Variants in SEMA6D observed in about 807,000 individuals in gnomAD.
The protein encoded by SEMA6D is semaphorin-6D.
Under a neutral mutation model 106.6 loss-of-function variants are expected in SEMA6D, and 35 were observed. The observed-to-expected ratio is 0.33, with a 90% CI of 0.25 to 0.44. The LOEUF is 0.44. SEMA6D is among the 20% of genes least tolerant of loss of function. The pLI is 1.00. For missense variants in SEMA6D, 1,185 were observed against 1,345.9 expected (o/e 0.88, Z 1.87); for synonymous variants, 499 against 487.7 (o/e 1.02, Z -0.31).
At chr15:47,477,032 G>T (rs2043021957) in intron 3 of SEMA6D, among the ~76,000 whole-genome samples, 2 of 152,064 alleles carry the variant, frequency 1.3e-5, no homozygotes, top group Admixed American at 1.3e-4. Flanking sequence ...TTCATAATGT[G>T]GAATATATTT....
intron 1 of SEMA6D, among the ~76,000 whole-genome samples, chr15:47,184,975 C>T (rs1396523889): frequency 6.6e-6 from 1 of 151,998 alleles, no homozygotes; most frequent in African/African-American, 2.4e-5. Flanking sequence ...AACGACCTAC[C>T]TTCTTGCTTT....
rs77301112 is a variant in SEMA6D at position 47,741,577 on chromosome 15, G to A, written c.-54-18168G>A. Reference sequence around the variant, plus strand: ...ACTAAAAATACAAAATCAGCCGGGCGTGGTGGCACATGCCTGTAATCCCAG... The same window carrying A: ...ACTAAAAATACAAAATCAGCCGGGCATGGTGGCACATGCCTGTAATCCCAG... On this transcript the variant is annotated intron_variant, in intron 1 of 18. Coordinates refer to ENST00000536845, the MANE Select transcript of SEMA6D (RefSeq NM_001358351.3). 5.3e-5 allele frequency among the ~76,000 whole-genome samples: 8 copies of A among 152,132 alleles called. No homozygotes were observed. In the East Asian group the frequency reaches 5.8e-4, roughly 11 times the overall value.
In SEMA6D at chr15:47,721,997, G is replaced by C. The variant is rs577119121; in HGVS notation, c.-55+4305G>C. Among the ~76,000 whole-genome samples, 20 of 152,186 alleles carry C rather than the reference G, an allele frequency of 1.3e-4. No individual in the cohort carries two copies. In the East Asian group the frequency reaches 3.7e-3, roughly 28 times the overall value. ...CAGCAATTTTTTCTTCTATACCACT[G>C]GCAGTATTGTCTGCCTGTGGTAACT... On this transcript the variant is annotated intron_variant, in intron 1 of 18. Transcript: ENST00000536845.
chr15:47,582,506 A>G (rs1278372388), intron 3 of SEMA6D, among the ~76,000 whole-genome samples: 1 of 152,084 alleles, frequency 6.6e-6, no homozygotes, highest in African/African-American at 2.4e-5. Flanking sequence ...CACTAAGCAA[A>G]AGAGGCAGCT....
intron 2 of SEMA6D, among the ~76,000 whole-genome samples, chr15:47,412,891 T>C (rs1289554033): frequency 1.3e-5 from 2 of 152,196 alleles, no homozygotes; most frequent in African/African-American, 4.8e-5. Flanking sequence ...GGTCCAGATA[T>C]TTGGTTTCTA....
intron 3 of SEMA6D, among the ~76,000 whole-genome samples, chr15:47,586,671 C>T (rs781752672): frequency 2.0e-5 from 3 of 152,020 alleles, no homozygotes; most frequent in Non-Finnish European, 4.4e-5. Context: ...ATGAGTAAAG[C>T]GCCCCCCATA....
At chr15:47,552,862 A>ATTT (rs2045777443) in intron 3 of SEMA6D, among the ~76,000 whole-genome samples, 7 of 69,166 alleles carry the variant, frequency 1.0e-4, no homozygotes, top group African/African-American at 7.4e-4. Context: ...AAATATATAT[A>ATTT]TATTTTTATA....
intron 1 of SEMA6D, among the ~76,000 whole-genome samples, chr15:47,317,681 C>T (rs2036737035): frequency 6.6e-6 from 1 of 152,116 alleles, no homozygotes; most frequent in Non-Finnish European, 1.5e-5. Context: ...TATTTCCTTC[C>T]ATTCTCGTAT....
intron 4 of SEMA6D, among the ~76,000 whole-genome samples, chr15:47,670,625 T>G (rs1164367735): frequency 6.6e-6 from 1 of 152,210 alleles, no homozygotes; most frequent in Non-Finnish European, 1.5e-5. Flanking sequence ...TTCAAGGGAT[T>G]AAAGTATTTA....
At chr15:47,551,452 G>A (rs2045685345) in intron 3 of SEMA6D, among the ~76,000 whole-genome samples, 1 of 152,144 alleles carries the variant, frequency 6.6e-6, no homozygotes, top group Non-Finnish European at 1.5e-5. Context: ...CTGGTGTTAT[G>A]CCATGAATAA....
At chr15:47,429,397 A>G (rs894531652) in intron 2 of SEMA6D, among the ~76,000 whole-genome samples, 1 of 152,184 alleles carries the variant, frequency 6.6e-6, no homozygotes, top group Non-Finnish European at 1.5e-5. Flanking sequence ...TTGTTATTAC[A>G]TATGGAAATG....
chr15:47,287,061 G>A (rs1425268507), intron 1 of SEMA6D, among the ~76,000 whole-genome samples: 2 of 152,130 alleles, frequency 1.3e-5, no homozygotes, highest in Admixed American at 6.6e-5. Context: ...TGTGAGTTAG[G>A]TCTGATAAAC....
intron 1 of SEMA6D, among the ~76,000 whole-genome samples, chr15:47,333,679 A>G (rs2037435284): frequency 6.6e-6 from 1 of 152,174 alleles, no homozygotes; most frequent in South Asian, 2.1e-4. Flanking sequence ...GTTGCTGGAG[A>G]CCATCAGGAA....
At chr15:47,681,049 G>T (rs191163831) in intron 4 of SEMA6D, among the ~76,000 whole-genome samples, 2 of 152,280 alleles carry the variant, frequency 1.3e-5, no homozygotes, top group Non-Finnish European at 2.9e-5. Context: ...ACTAAAACTA[G>T]AACTACTATA....
At chr15:47,595,477 A>G (rs1241789345) in intron 3 of SEMA6D, among the ~76,000 whole-genome samples, 1 of 152,258 alleles carries the variant, frequency 6.6e-6, no homozygotes, top group Non-Finnish European at 1.5e-5. Flanking sequence ...TCAGTTTACT[A>G]GTACTCTTGT....
At chr15:47,645,669 C>T (rs2077569888) in intron 4 of SEMA6D, among the ~76,000 whole-genome samples, 1 of 152,088 alleles carries the variant, frequency 6.6e-6, no homozygotes, top group Non-Finnish European at 1.5e-5. Flanking sequence ...CTGGAGATAG[C>T]ATCAGGTCAC....
chr15:47,278,571 C>A (rs1332719100), intron 1 of SEMA6D, among the ~76,000 whole-genome samples: 1 of 152,074 alleles, frequency 6.6e-6, no homozygotes, highest in Non-Finnish European at 1.5e-5. Flanking sequence ...GTTGCCTGTT[C>A]AATCTGATGG....
At chr15:47,512,537 G>T (rs1364252395) in intron 3 of SEMA6D, among the ~76,000 whole-genome samples, 1 of 152,198 alleles carries the variant, frequency 6.6e-6, no homozygotes, top group Non-Finnish European at 1.5e-5. Flanking sequence ...GCAGCATCAG[G>T]AGACAATGGC....
At chr15:47,697,032 G>A (rs2078713833) in intron 4 of SEMA6D, among the ~76,000 whole-genome samples, 2 of 152,082 alleles carry the variant, frequency 1.3e-5, no homozygotes, top group South Asian at 4.2e-4. Flanking sequence ...CAGATGGTTG[G>A]CACTTCATAG....
Sources: gnomAD v4.1 joint callset for allele counts (sites outside exome capture counted in the v4.1 genomes callset) on GRCh38, gnomAD v4.1.1 for gene constraint, MANE v1.5 for transcripts, NCBI Gene and HGNC (gene_info 2026-07-23, HGNC 2026-07-21) for gene names.